FGL1: variants seen among roughly 807,000 people sequenced by gnomAD.
The protein encoded by FGL1 is fibrinogen-like protein 1.
A neutral mutation model predicts 43.7 loss-of-function variants in FGL1; 59 were observed. The ratio of observed to expected loss-of-function variants is 1.35; its 90% CI spans 1.10 to 1.68. The LOEUF (loss-of-function observed/expected upper bound fraction) is 1.68. FGL1 is among the 40% of genes most tolerant of loss of function. The pLI is 0.00. For missense variants in FGL1, 596 were observed against 373.0 expected, an observed-to-expected ratio of 1.60 and a Z score of -4.92; for synonymous variants, 192 against 126.5, an observed-to-expected ratio of 1.52 and a Z score of -3.48.
chr8:17,893,083 C>T (rs1459926124), intron 1 of FGL1, among the ~76,000 whole-genome samples: 2 of 152,076 alleles, frequency 1.3e-5, no homozygotes, highest in African/African-American at 4.8e-5. Flanking sequence ...CACCTTTTAT[C>T]CCAGCTACTG....
Position 17,868,976 on chromosome 8 carries a change from T to A in FGL1, c.531A>T (p.Ala177=), listed in dbSNP as rs200822392. The A allele has an allele frequency of 4.4e-6, 7 of 1,604,780 alleles. No individual in the cohort carries two copies. Among genetic ancestry groups the A allele is most frequent in the Middle Eastern group, 1.7e-4 (1 of 5,990 alleles). Residue 177 remains alanine (A), a synonymous_variant, in exon 6 of 8, where the codon GCA becomes GCT. Transcript: ENST00000427924. ...QEDYTLKIDL[A]DFEKNSRYAQ... Reference sequence around the variant, plus strand: ...CATAACGGCTATTTTTTTCAAAATCTGCAAGGTCGATTTTTAAAGTGTAGT... The same window carrying A: ...CATAACGGCTATTTTTTTCAAAATCAGCAAGGTCGATTTTTAAAGTGTAGT...
chr8:17,869,573 A>G (rs1048334223), intron 5 of FGL1, among the ~76,000 whole-genome samples: 2 of 152,228 alleles, frequency 1.3e-5, no homozygotes, highest in African/African-American at 4.8e-5. Context: ...CCTAATTGTT[A>G]TCCGAAAACC....
rs533384574 is a variant in FGL1, at chr8:17,887,993, G to A, written c.-17-2422C>T. Among the ~76,000 whole-genome samples, 451 of 152,036 alleles carry A rather than the reference G, an allele frequency of 3.0e-3. 1 individual carries two copies. The highest frequency in any genetic ancestry group is 0.017 in the South Asian group (80 of 4,822). ...TCTTTAAAATTCAATTGTATATTGA[G>A]TATGTACCTATCTTAGGCCCAGTGA... On this transcript the variant is annotated intron_variant, in intron 1 of 7. Coordinates refer to ENST00000427924, the MANE Select transcript of FGL1 (RefSeq NM_004467.4).
intron 3 of FGL1, among the ~76,000 whole-genome samples, chr8:17,881,047 G>A (rs963002324): frequency 6.6e-6 from 1 of 151,882 alleles, no homozygotes; most frequent in Non-Finnish European, 1.5e-5. Flanking sequence ...GATTTCAGAA[G>A]GGAAAACTGC....
chr8:17,877,377 T>C (rs1324363275), intron 3 of FGL1, among the ~76,000 whole-genome samples: 1 of 152,252 alleles, frequency 6.6e-6, no homozygotes, highest in Non-Finnish European at 1.5e-5. Context: ...TAAGCCATGT[T>C]GGAAGGCTGA....
At position 17,891,670 on chromosome 8, in the gene FGL1, A is replaced by C. The variant is rs546586453; in HGVS notation, c.-18+3777T>G. 1.0e-5 allele frequency: 10 copies of C among 985,214 alleles called. No individual in the cohort carries two copies. The East Asian group carries it at 6.8e-4, about 67-fold the overall frequency. 61.0% of individuals were successfully genotyped at this position (985,214 alleles called of 1,614,324 possible). On this transcript the variant is annotated intron_variant, in intron 1 of 7. Transcript: ENST00000427924. ...ATATCTACTGAATAGATGAGAAGAAAACTTGTAAACCTGAATTAGAATTGT... is the reference window on the plus strand; with the variant it reads ...ATATCTACTGAATAGATGAGAAGAACACTTGTAAACCTGAATTAGAATTGT...
intron 3 of FGL1, among the ~76,000 whole-genome samples, chr8:17,877,406 T>C (rs982134789): frequency 6.6e-6 from 1 of 152,190 alleles, no homozygotes; most frequent in Admixed American, 6.5e-5. Context: ...GCTCATAAAG[T>C]GACATGACAG....
chr8:17,886,630 C>T (rs536224690), intron 1 of FGL1, among the ~76,000 whole-genome samples: 2 of 151,876 alleles, frequency 1.3e-5, no homozygotes, highest in South Asian at 2.1e-4. Flanking sequence ...TGGTGGTGGG[C>T]GCCTGTACTC....
intron 3 of FGL1, among the ~76,000 whole-genome samples, chr8:17,877,929 G>C (rs1385394174): frequency 6.6e-6 from 1 of 152,070 alleles, no homozygotes; most frequent in Non-Finnish European, 1.5e-5. Flanking sequence ...TACTTCTTTT[G>C]CTCTACGATG....
chr8:17,871,495 A>G (rs1448121276), intron 5 of FGL1, among the ~76,000 whole-genome samples: 1 of 150,902 alleles, frequency 6.6e-6, no homozygotes, highest in African/African-American at 2.5e-5. Context: ...CTGTCTCAAA[A>G]AAAAAAACAA....
intron 3 of FGL1, among the ~76,000 whole-genome samples, chr8:17,878,892 T>C (rs908965317): frequency 1.3e-5 from 2 of 151,026 alleles, no homozygotes; most frequent in South Asian, 2.1e-4. Flanking sequence ...ATATATTTTA[T>C]ACCATATTAT....
intron 3 of FGL1, among the ~76,000 whole-genome samples, chr8:17,880,997 C>T (rs950360313): frequency 6.6e-6 from 1 of 152,072 alleles, no homozygotes; most frequent in Non-Finnish European, 1.5e-5. Context: ...TTTTCTGCTC[C>T]TTTATTTTTT....
chr8:17,889,562 C>T (rs1011806330), intron 1 of FGL1, among the ~76,000 whole-genome samples: 7 of 152,198 alleles, frequency 4.6e-5, no homozygotes, highest in Admixed American at 4.6e-4. Flanking sequence ...ACAACAACAA[C>T]ACTATCAAAA....
At chr8:17,866,640 C>G (rs1196572565) in intron 7 of FGL1, among the ~76,000 whole-genome samples, 1 of 152,174 alleles carries the variant, frequency 6.6e-6, no homozygotes, top group African/African-American at 2.4e-5. Context: ...TCTTTGTGCT[C>G]CCTGAACCCA....
intron 2 of FGL1, among the ~76,000 whole-genome samples, chr8:17,883,765 C>A (rs1406493922): frequency 6.7e-6 from 1 of 148,490 alleles, no homozygotes; most frequent in Admixed American, 6.8e-5. Context: ...CCTCTCCCAG[C>A]CATTTTTCTA....
intron 5 of FGL1, among the ~76,000 whole-genome samples, chr8:17,869,630 G>T (rs1026997620): frequency 1.3e-5 from 2 of 152,144 alleles, no homozygotes; most frequent in Non-Finnish European, 2.9e-5. Flanking sequence ...TAGCATCAAA[G>T]TATGTAGAGT....
At position 17,864,703 on chromosome 8, in the gene FGL1, CGT is replaced by C; in HGVS notation, c.826_827del (p.Thr276GlyfsTer2). 1.2e-6 allele frequency: 2 copies of C among 1,612,776 alleles called. No individual in the cohort carries two copies. The highest frequency in any genetic ancestry group is 1.7e-4 in the Middle Eastern group (1 of 6,050). ...AGACAATCCCATTGTCTGTTTTAGC[CGT>C]GTAGGGGCCGCTGTAGTATACACCA... is the stretch of plus-strand genomic sequence containing the variant. ...LNGVYYSGPYTAKTDNGIVWY... is the reference protein window; with the variant it reads ...LNGVYYSGPYXAKTDNGIVWY... On this transcript the variant is annotated frameshift_variant, in exon 8 of 8. Transcript: ENST00000427924. LOFTEE classifies it high-confidence loss of function.
chr8:17,874,324 G>T (rs1429750672), intron 4 of FGL1, 38 bp downstream of exon 4: 2 of 1,581,640 alleles, frequency 1.3e-6, no homozygotes. Flanking sequence ...TCTCACATTT[G>T]CTGCTACATA....
rs146876938 is a variant in FGL1 at position 17,892,884 on chromosome 8, G to C, written c.-18+2563C>G. On this transcript the variant is annotated intron_variant, in intron 1 of 7. Coordinates refer to ENST00000427924, the MANE Select transcript of FGL1 (RefSeq NM_004467.4). ...TTGTGGGATCAAGTACTTTATTTCA[G>C]AAGTGAATAAATTAGCTTAAAAAGT... is the stretch of plus-strand genomic sequence containing the variant. Among the ~76,000 whole-genome samples, 415 of 152,204 alleles carry C rather than the reference G, an allele frequency of 2.7e-3. 3 individuals carry two copies. Among genetic ancestry groups the C allele is most frequent in the Non-Finnish European group, 5.5e-3 (373 of 68,006 alleles).
Sources: allele counts gnomAD v4.1 joint callset (sites outside exome capture counted in the v4.1 genomes callset), GRCh38; gene constraint gnomAD v4.1.1; transcripts MANE v1.5; gene names NCBI Gene and HGNC (gene_info 2026-07-23, HGNC 2026-07-21).